INTS15: variants seen among roughly 807,000 people sequenced by gnomAD.
The protein encoded by INTS15 is uncharacterized protein C7orf26.
At chr7:6,590,126 C>T in the INTS15 span, 2 of 531,946 alleles carry the variant, frequency 3.8e-6, no homozygotes, top group Non-Finnish European at 2.8e-6. Context: ...CGATGGCCCC[C>T]TGAGCAGGCA....
At chr7:6,591,272 T>TC in the INTS15 span, among the ~76,000 whole-genome samples, 1 of 149,802 alleles carries the variant, frequency 6.7e-6, no homozygotes, top group African/African-American at 2.4e-5. Flanking sequence ...GTTTTTCTTT[T>TC]TTTTTTTTTT....
chr7:6,604,369 A>G, the INTS15 span, among the ~76,000 whole-genome samples: 1 of 152,218 alleles, frequency 6.6e-6, no homozygotes. Context: ...AGGATGGAAC[A>G]TTATGCATCT....
chr7:6,595,958 T>A, the INTS15 span, among the ~76,000 whole-genome samples: 5,197 of 152,272 alleles, frequency 0.034, 106 homozygotes, highest in Middle Eastern at 0.051. Context: ...CTGATAGCCA[T>A]ACCAGCACTT....
chr7:6,599,460 A>G, the INTS15 span, among the ~76,000 whole-genome samples: 9 of 152,314 alleles, frequency 5.9e-5, no homozygotes, highest in Admixed American at 5.2e-4. Flanking sequence ...ACACGTACTC[A>G]GGGAAGGGGT....
At chr7:6,590,293 A>T in the INTS15 span, 1 of 1,567,618 alleles carries the variant, frequency 6.4e-7, no homozygotes, top group Non-Finnish European at 8.6e-7. Context: ...CATGAGCGAC[A>T]TCCGCCACTC....
the INTS15 span, among the ~76,000 whole-genome samples, chr7:6,597,608 A>T: frequency 1.3e-5 from 2 of 152,166 alleles, no homozygotes; most frequent in Non-Finnish European, 2.9e-5. Context: ...CTTTTAAGTC[A>T]TTGGTTATTC....
the INTS15 span, chr7:6,599,779 C>T: frequency 8.9e-6 from 14 of 1,571,868 alleles, no homozygotes; most frequent in Non-Finnish European, 1.1e-5. Flanking sequence ...ACTTCCCGCC[C>T]CTGTCCTCGA....
chr7:6,598,108 G>A, the INTS15 span, among the ~76,000 whole-genome samples: 7 of 152,114 alleles, frequency 4.6e-5, no homozygotes, highest in Non-Finnish European at 8.8e-5. Context: ...CTGAGGGGGC[G>A]GGGATACACT....
At chr7:6,603,360 C>T in the INTS15 span, among the ~76,000 whole-genome samples, 1 of 152,102 alleles carries the variant, frequency 6.6e-6, no homozygotes, top group Non-Finnish European at 1.5e-5. Flanking sequence ...CCAGCCTGGC[C>T]AACATGGTGA....
At chr7:6,608,662 C>T in the INTS15 span, 1 of 354,132 alleles carries the variant, frequency 2.8e-6, no homozygotes, top group Non-Finnish European at 4.0e-6. Flanking sequence ...AAAGGAACTT[C>T]TCAGTTTTAT....
chr7:6,606,883 A>T, the INTS15 span, among the ~76,000 whole-genome samples: 22 of 151,490 alleles, frequency 1.5e-4, no homozygotes, highest in African/African-American at 4.8e-4. Flanking sequence ...TTTTTAGTTT[A>T]TTTTCTGTGG....
the INTS15 span, chr7:6,590,454 G>A: frequency 8.2e-6 from 13 of 1,595,052 alleles, no homozygotes; most frequent in Non-Finnish European, 9.4e-6. Flanking sequence ...AGGTGCCCAA[G>A]GAGCGCAGCG....
At chr7:6,602,394 G>A in the INTS15 span, 1 of 497,966 alleles carries the variant, frequency 2.0e-6, no homozygotes, top group South Asian at 2.3e-5. Context: ...AGGTGCACCT[G>A]TTGAGTGGTG....
the INTS15 span, among the ~76,000 whole-genome samples, chr7:6,606,695 CT>C: frequency 0.024 from 3,319 of 137,854 alleles, 121 homozygotes; most frequent in African/African-American, 0.08. Context: ...CCCAGAGGGC[CT>C]TTTTTTTTTT....
At chr7:6,603,898 G>T in the INTS15 span, among the ~76,000 whole-genome samples, 1 of 151,952 alleles carries the variant, frequency 6.6e-6, no homozygotes, top group Admixed American at 6.6e-5. Flanking sequence ...TATTCATTCG[G>T]GCGGCTGACA....
At chr7:6,592,999 T>C in the INTS15 span, among the ~76,000 whole-genome samples, 1 of 152,164 alleles carries the variant, frequency 6.6e-6, no homozygotes, top group Non-Finnish European at 1.5e-5. Context: ...CCTGAATCTC[T>C]TCAATGTGAT....
the INTS15 span, among the ~76,000 whole-genome samples, chr7:6,595,951 A>G: frequency 4.6e-5 from 7 of 152,086 alleles, no homozygotes; most frequent in Admixed American, 3.9e-4. Flanking sequence ...TCCTGGTCTG[A>G]TAGCCATACC....
chr7:6,600,436 C>T, the INTS15 span: 1 of 1,399,756 alleles, frequency 7.1e-7, no homozygotes, highest in East Asian at 2.5e-5. Flanking sequence ...CCTGGACAGA[C>T]ACTGTTTTTG....
At chr7:6,603,203 G>C in the INTS15 span, among the ~76,000 whole-genome samples, 1 of 151,834 alleles carries the variant, frequency 6.6e-6, no homozygotes, top group African/African-American at 2.4e-5. Context: ...TGAGCCAAGA[G>C]CATGGCACTG....
Sources: allele counts gnomAD v4.1 joint callset (sites outside exome capture counted in the v4.1 genomes callset), GRCh38; gene constraint gnomAD v4.1.1; transcripts MANE v1.5; gene names NCBI Gene and HGNC (gene_info 2026-07-23, HGNC 2026-07-21).